TAFA2: variants seen among roughly 807,000 people sequenced by gnomAD.
TAFA2 encodes the protein chemokine-like protein TAFA-2.
TAFA2 carries 7 observed loss-of-function variants against 18.8 expected under a neutral mutation model. The observed-to-expected ratio is 0.37, with a 90% CI of 0.21 to 0.70. The LOEUF is 0.70. Among genes scored for constraint, TAFA2 ranks in the 30% least tolerant of loss-of-function variants. The pLI is 0.53. For missense variants in TAFA2, 122 were observed against 158.1 expected, an observed-to-expected ratio of 0.77 and a Z score of 1.23; for synonymous variants, 60 against 54.2, an observed-to-expected ratio of 1.11 and a Z score of -0.47.
chr12:62,202,458 G>A lies in TAFA2; in HGVS notation c.-130+56305C>T, dbSNP rs143359210. On this transcript the variant is annotated intron_variant, in intron 1 of 5. Transcript: ENST00000551619. ...GCCTCCCAGTTCAAGTGATTCTCTC[G>A]CCTCAGCCTCCCTAGTAGCTGGGCA... 8.3e-4 allele frequency among the ~76,000 whole-genome samples: 126 copies of A among 151,512 alleles called. 1 individual carries two copies. Among genetic ancestry groups the A allele is most frequent in the Non-Finnish European group, 8.5e-4 (58 of 67,898 alleles).
chr12:61,961,266 C>A (rs150982877), intron 1 of TAFA2, among the ~76,000 whole-genome samples: 4 of 151,866 alleles, frequency 2.6e-5, no homozygotes, highest in Non-Finnish European at 5.9e-5. Context: ...CCTACCCAAC[C>A]GCTACTCCAA....
intron 2 of TAFA2, among the ~76,000 whole-genome samples, chr12:61,850,936 T>G (rs542134762): frequency 6.6e-6 from 1 of 152,160 alleles, no homozygotes; most frequent in Non-Finnish European, 1.5e-5. Context: ...AACAAAGATA[T>G]CTGCTATCAT....
intron 2 of TAFA2, among the ~76,000 whole-genome samples, chr12:61,850,839 T>C (rs1460181678): frequency 6.6e-6 from 1 of 152,114 alleles, no homozygotes; most frequent in East Asian, 1.9e-4. Flanking sequence ...AGAGATGACA[T>C]TTCTTCAATA....
chr12:62,087,934 T>C (rs1170611444), intron 1 of TAFA2, among the ~76,000 whole-genome samples: 1 of 152,116 alleles, frequency 6.6e-6, no homozygotes, highest in Admixed American at 6.6e-5. Flanking sequence ...GCTGTTTTCA[T>C]TATAAATAGG....
chr12:61,893,964 A>G (rs1875736596), intron 1 of TAFA2, among the ~76,000 whole-genome samples: 1 of 151,956 alleles, frequency 6.6e-6, no homozygotes, highest in Non-Finnish European at 1.5e-5. Flanking sequence ...CCCAAGTCAA[A>G]CTGATACTGC....
chr12:61,911,182 CA>C (rs1215877124), intron 1 of TAFA2, among the ~76,000 whole-genome samples: 2 of 151,976 alleles, frequency 1.3e-5, no homozygotes, highest in Non-Finnish European at 2.9e-5. Flanking sequence ...CATTTTACCC[CA>C]AAAAAATAGC....
At chr12:62,147,298 G>T (rs1269633581) in intron 1 of TAFA2, among the ~76,000 whole-genome samples, 1 of 112,686 alleles carries the variant, frequency 8.9e-6, no homozygotes, top group Non-Finnish European at 1.8e-5. Flanking sequence ...ATGTATATAT[G>T]TATGCATGTG....
At chr12:61,822,163 C>T (rs149420154) in intron 2 of TAFA2, among the ~76,000 whole-genome samples, 1 of 151,992 alleles carries the variant, frequency 6.6e-6, no homozygotes, top group Non-Finnish European at 1.5e-5. Flanking sequence ...CTAATTCAAT[C>T]TGTGGCTACT....
intron 2 of TAFA2, among the ~76,000 whole-genome samples, chr12:61,837,573 T>C (rs999092325): frequency 3.6e-4 from 54 of 152,106 alleles, no homozygotes; most frequent in African/African-American, 1.3e-3. Flanking sequence ...ATATCACTTA[T>C]ATATCTGAAC....
Position 61,811,015 on chromosome 12 carries a change from A to G in TAFA2, c.107-55991T>C, listed in dbSNP as rs141080873. Among the ~76,000 whole-genome samples, 31 of 151,322 alleles carry G rather than the reference A, an allele frequency of 2.0e-4. No individual in the cohort carries two copies. The East Asian group carries it at 3.5e-3, about 17-fold the overall frequency. On this transcript the variant is annotated intron_variant, in intron 2 of 4. Coordinates refer to ENST00000416284, the MANE Select transcript of TAFA2 (RefSeq NM_178539.5). The stretch of plus-strand genomic sequence containing the variant: ...TTTTTTTCTTTACAGAAGCTAGAGT[A>G]ATCTTAATTAATACATGTAGACAAA...
intron 1 of TAFA2, among the ~76,000 whole-genome samples, chr12:62,036,883 C>G (rs917183346): frequency 6.6e-6 from 1 of 152,182 alleles, no homozygotes; most frequent in Non-Finnish European, 1.5e-5. Context: ...AACAAAAAAT[C>G]AGTCAACTGC....
chr12:61,819,941 T>C (rs1872250363), intron 2 of TAFA2, among the ~76,000 whole-genome samples: 1 of 152,080 alleles, frequency 6.6e-6, no homozygotes, highest in Non-Finnish European at 1.5e-5. Context: ...CTTTTCAAAA[T>C]CCATGGACAA....
intron 1 of TAFA2, chr12:62,021,882 A>G: frequency 1.3e-6 from 1 of 760,820 alleles, no homozygotes; most frequent in Admixed American, 1.7e-5. Context: ...GGAGTTTCCC[A>G]GACACCATGA....
chr12:62,225,729 A>G (rs908411259), intron 1 of TAFA2, among the ~76,000 whole-genome samples: 2 of 152,214 alleles, frequency 1.3e-5, no homozygotes, highest in African/African-American at 4.8e-5. Context: ...GGATACACAA[A>G]CTTTCTCACA....
intron 1 of TAFA2, among the ~76,000 whole-genome samples, chr12:61,903,347 C>G (rs1876199398): frequency 6.6e-6 from 1 of 152,154 alleles, no homozygotes; most frequent in African/African-American, 2.4e-5. Flanking sequence ...ACTGCTCATT[C>G]TTCATTTCTC....
chr12:61,960,427 T>C (rs554614036), intron 1 of TAFA2, among the ~76,000 whole-genome samples: 5 of 152,120 alleles, frequency 3.3e-5, no homozygotes, highest in Middle Eastern at 3.4e-3. Flanking sequence ...TGGACATATT[T>C]TGGTGCTAAA....
intron 4 of TAFA2, among the ~76,000 whole-genome samples, chr12:61,717,748 G>A (rs1028794289): frequency 1.3e-5 from 2 of 152,050 alleles, no homozygotes; most frequent in African/African-American, 4.8e-5. Flanking sequence ...TAGACTTCTG[G>A]AAAGAAACAG....
intron 4 of TAFA2, among the ~76,000 whole-genome samples, chr12:61,749,131 G>A (rs1868882788): frequency 6.6e-6 from 1 of 151,798 alleles, no homozygotes; most frequent in Non-Finnish European, 1.5e-5. Flanking sequence ...AAAATAGCTG[G>A]GTGTGGTGGG....
chr12:61,806,911 T>A lies in TAFA2; in HGVS notation c.107-51887A>T, dbSNP rs923554925. On this transcript the variant is annotated intron_variant, in intron 2 of 4. Transcript: ENST00000416284. ...AGCCTTCAAGAGGTGACTTGGGTGC[T>A]GTTAAAGGCATTCAGTTTTATAAGG... 2.0e-5 allele frequency among the ~76,000 whole-genome samples: 3 copies of A among 152,194 alleles called. No homozygotes were observed. In the South Asian group the frequency reaches 6.2e-4, roughly 31 times the overall value.
Sources: gnomAD v4.1 joint callset for allele counts (sites outside exome capture counted in the v4.1 genomes callset) on GRCh38, gnomAD v4.1.1 for gene constraint, MANE v1.5 for transcripts, NCBI Gene and HGNC (gene_info 2026-07-23, HGNC 2026-07-21) for gene names.